The following REG1A variants were observed in gnomAD, a reference collection of about 807,000 sequenced individuals.
The protein encoded by REG1A is lithostathine-1-alpha.
A neutral mutation model predicts 20.7 loss-of-function variants in REG1A; 20 were observed. The ratio of observed to expected loss-of-function variants is 0.97; its 90% CI spans 0.68 to 1.41. The LOEUF is 1.41. Ranked by LOEUF, REG1A falls within the 40% of genes most tolerant of loss-of-function variation. REG1A has a pLI of 0.00. For synonymous variants in REG1A, 90 were observed against 71.6 expected, an observed-to-expected ratio of 1.26 and a Z score of -1.30; for missense variants, 193 against 201.8, an observed-to-expected ratio of 0.96 and a Z score of 0.26.
At chr2:79,122,520 T>C (rs1208743015) in intron 4 of REG1A, among the ~76,000 whole-genome samples, 1 of 152,058 alleles carries the variant, frequency 6.6e-6, no homozygotes, top group Non-Finnish European at 1.5e-5. Context: ...TAATATAATA[T>C]ATCAACAACT....
Position 79,123,350 on chromosome 2 carries a change from T to C in REG1A, c.*135T>C, listed in dbSNP as rs1489180543. ...CTGAGTTTGCCTTGTTAATCTTCAA[T>C]AGTTTTACCTACCCCAGTCTTTGGA... On this transcript the variant is annotated 3_prime_UTR_variant, in exon 6 of 6. Coordinates refer to ENST00000233735, the MANE Select transcript of REG1A (RefSeq NM_002909.5). The C allele has an allele frequency of 8.8e-6, 5 of 570,896 alleles. No homozygotes were observed. The highest frequency in any genetic ancestry group is 3.7e-5 in the African/African-American group (2 of 53,550). The allele number at this position is 570,896 out of a possible 1,614,324, so 35.4% of individuals were successfully genotyped here. A position where few individuals can be genotyped will look rare whatever the true frequency, so the allele number is the denominator to read the frequency against.
At chr2:79,121,377 G>A (rs1039880852) in intron 2 of REG1A, among the ~76,000 whole-genome samples, 185 bp from the exon 3 acceptor site, 6 of 151,954 alleles carry the variant, frequency 3.9e-5, no homozygotes, top group African/African-American at 1.5e-4. Flanking sequence ...TATTCATTCT[G>A]TTTTTTTTCC....
In REG1A at chr2:79,120,899, G is replaced by A. The variant is rs764527825; in HGVS notation, c.38G>A (p.Cys13Tyr). The A allele has an allele frequency of 6.2e-7, 1 of 1,613,096 alleles. No individual in the cohort carries two copies. The highest frequency in any genetic ancestry group is 1.3e-5 in the African/African-American group (1 of 74,826). ...AGCTCATACTTCATGCTGATCTCCT[G>A]CCTGATGTTTCTGTCTCAGAGCCAA... ...QTSSYFMLIS[C>Y]LMFLSQSQGQ... The change falls in exon 2 of 6, where the codon TGC (cysteine) becomes TAC (tyrosine). Residue 13 changes from cysteine to tyrosine, a missense_variant. Physicochemically the swap from Cys to Tyr is radical, Grantham distance 194. Transcript: ENST00000233735.
rs1430115461 is a variant in REG1A at position 79,120,935 on chromosome 2, C to T, written c.64+10C>T. The T allele has an allele frequency of 1.9e-6, 3 of 1,611,018 alleles. No homozygotes were observed. In the Admixed American group the frequency reaches 5.0e-5, roughly 27 times the overall value. On this transcript the variant is annotated intron_variant, in intron 2 of 5. Coordinates refer to ENST00000233735, the MANE Select transcript of REG1A (RefSeq NM_002909.5). ...CTGTCTCAGAGCCAAGGTAAGATCT[C>T]TTTTCCACCAACCAACTCTTTCTAG...
chr2:79,121,713 T>C (rs766494700), intron 3 of REG1A, 33 bp downstream of exon 3: 2 of 1,593,720 alleles, frequency 1.3e-6, no homozygotes, highest in African/African-American at 2.7e-5. Context: ...GAAGGGAGAC[T>C]CATGAAGGGA....
In REG1A at chr2:79,123,364, C is replaced by G. The variant is rs917314124; in HGVS notation, c.*149C>G. 5.4e-6 allele frequency: 3 copies of G among 559,840 alleles called. No individual in the cohort carries two copies. Among genetic ancestry groups the G allele is most frequent in the Admixed American group, 3.2e-5 (1 of 30,930 alleles). 34.7% of individuals were successfully genotyped at this position (559,840 alleles called of 1,614,324 possible). Reference sequence around the variant, plus strand: ...TTAATCTTCAATAGTTTTACCTACCCCAGTCTTTGGAACCCTAAATAATAA... The same window carrying G: ...TTAATCTTCAATAGTTTTACCTACCGCAGTCTTTGGAACCCTAAATAATAA... On this transcript the variant is annotated 3_prime_UTR_variant, in exon 6 of 6. Transcript: ENST00000233735.
intron 4 of REG1A, among the ~76,000 whole-genome samples, chr2:79,122,413 C>A (rs62160277): frequency 4.9e-4 from 74 of 152,122 alleles, no homozygotes; most frequent in Admixed American, 1.2e-3. Flanking sequence ...GTCAGAGTCA[C>A]AAGAGAGACT....
chr2:79,121,915 G>T (rs144730578), intron 3 of REG1A, 73 bp from the exon 4 acceptor site: 1 of 1,582,744 alleles, frequency 6.3e-7, no homozygotes, highest in African/African-American at 1.3e-5. Flanking sequence ...TTTCTGACCC[G>T]TCCTCTTGGA....
At position 79,123,326 on chromosome 2, in the gene REG1A, TGA is replaced by T. The variant is rs1004555432; in HGVS notation, c.*113_*114del. On this transcript the variant is annotated 3_prime_UTR_variant, in exon 6 of 6. Coordinates refer to ENST00000233735, the MANE Select transcript of REG1A (RefSeq NM_002909.5). ...TCAACCTGGACACTCTCTTCTCTGC[TGA>T]GTTTGCCTTGTTAATCTTCAATAGT... 1.3e-5 allele frequency: 8 copies of T among 632,990 alleles called. No homozygotes were observed. Among genetic ancestry groups the T allele is most frequent in the Non-Finnish European group, 2.2e-5 (8 of 361,208 alleles). 39.2% of individuals were successfully genotyped at this position (632,990 alleles called of 1,614,324 possible).
chr2:79,120,989 A>G (rs902754558), intron 2 of REG1A, 64 bp downstream of exon 2: 48 of 1,271,866 alleles, frequency 3.8e-5, no homozygotes, highest in Non-Finnish European at 5.3e-5. Flanking sequence ...ATCCCCAAGC[A>G]TACGGGTCTA....
rs779383364 is a variant in REG1A, at chr2:79,122,058, C to A, written c.254C>A (p.Ala85Asp). The change falls in exon 4 of 6, where the codon GCC (alanine) becomes GAC (aspartate). Residue 85 changes from alanine (A) to aspartate (D), a missense_variant. Transcript: ENST00000233735. ...ACCCAGGCCGAGGGTGCCTTTGTGG[C>A]CTCACTGATTAAGGAGAGTGGCACT... ...VLTQAEGAFV[A>D]SLIKESGTDD... 6.8e-6 allele frequency: 11 copies of A among 1,613,920 alleles called. No homozygotes were observed. Among genetic ancestry groups the A allele is most frequent in the Non-Finnish European group, 2.5e-6 (3 of 1,179,994 alleles).
Position 79,123,306 on chromosome 2 carries a change from C to A in REG1A, c.*91C>A. 2 of 745,150 alleles carry A rather than the reference C, an allele frequency of 2.7e-6. No homozygotes were observed. The highest frequency in any genetic ancestry group is 1.8e-5 in the South Asian group (1 of 54,988). The allele number at this position is 745,150 out of a possible 1,614,324, so 46.2% of individuals were successfully genotyped here. A position where few individuals can be genotyped will look rare whatever the true frequency, so the allele number is the denominator to read the frequency against. ...GACCATCTCTCCAACTCAACTCAAC[C>A]TGGACACTCTCTTCTCTGCTGAGTT... is the stretch of plus-strand genomic sequence containing the variant. On this transcript the variant is annotated 3_prime_UTR_variant, in exon 6 of 6. Coordinates refer to ENST00000233735, the MANE Select transcript of REG1A (RefSeq NM_002909.5).
Position 79,121,553 on chromosome 2 carries a change from C to T in REG1A, c.65-9C>T, listed in dbSNP as rs1413836989. On this transcript the variant is annotated splice_polypyrimidine_tract_variant and intron_variant, in intron 2 of 5. Transcript: ENST00000233735. ...TGAGAGCCTCCTTTAATTGTCTCTT[C>T]TTTTTCAGGCCAAGAGGCCCAGACA... is the stretch of plus-strand genomic sequence containing the variant. 6.2e-7 allele frequency: 1 copy of T among 1,612,102 alleles called. No individual in the cohort carries two copies.
intron 5 of REG1A, 44 bp from the exon 6 acceptor site, chr2:79,123,104 C>T (rs780152361): frequency 2.0e-6 from 3 of 1,537,070 alleles, no homozygotes; most frequent in Admixed American, 3.4e-5. Flanking sequence ...GAGGGTCATA[C>T]TCTTTCGGGT....
chr2:79,120,650 C>T (rs1672869439), intron 1 of REG1A, 136 bp downstream of exon 1: 2 of 405,268 alleles, frequency 4.9e-6, no homozygotes, highest in Non-Finnish European at 8.7e-6. Flanking sequence ...AGTTGTTTTT[C>T]AGTTACTGAG....
At chr2:79,121,951 C>T (rs1672892063) in intron 3 of REG1A, 37 bp from the exon 4 acceptor site, 2 of 1,609,484 alleles carry the variant, frequency 1.2e-6, no homozygotes, top group Non-Finnish European at 8.5e-7. Flanking sequence ...GTCACAACTT[C>T]CTCCTCCACT....
rs1672871019 is a variant in REG1A, at chr2:79,120,782, C to T, written c.-46-34C>T. 3.5e-6 allele frequency: 4 copies of T among 1,148,804 alleles called. No homozygotes were observed. In the Admixed American group the frequency reaches 7.0e-5, roughly 20 times the overall value. The allele number at this position is 1,148,804 out of a possible 1,614,324, so 71.2% of individuals were successfully genotyped here. A position where few individuals can be genotyped will look rare whatever the true frequency, so the allele number is the denominator to read the frequency against. ...AGGTAATAGGTGCTTTGCTCTCCAT[C>T]TCTCAGAACCCCCTTCTCTGTGTTC... On this transcript the variant is annotated intron_variant, in intron 1 of 5. Transcript: ENST00000233735.
At position 79,123,158 on chromosome 2, in the gene REG1A, A is replaced by G; in HGVS notation, c.444A>G (p.Lys148=). ...VSLTSSTGFQ[K]WKDVPCEDKF... ...CTCATTGACTTATAGGATTCCAGAAATGGAAGGATGTGCCTTGTGAAGACA... is the reference window on the plus strand; with the variant it reads ...CTCATTGACTTATAGGATTCCAGAAGTGGAAGGATGTGCCTTGTGAAGACA... The change falls in exon 6 of 6, where the codon AAA becomes AAG. Residue 148 remains lysine (K), a synonymous_variant. Coordinates refer to ENST00000233735, the MANE Select transcript of REG1A (RefSeq NM_002909.5). 6.2e-7 allele frequency: 1 copy of G among 1,612,316 alleles called. No homozygotes were observed. Among genetic ancestry groups the G allele is most frequent in the Non-Finnish European group, 8.5e-7 (1 of 1,178,980 alleles).
At chr2:79,123,126 A>C in intron 5 of REG1A, 22 bp from the exon 6 acceptor site, 1 of 1,595,164 alleles carries the variant, frequency 6.3e-7, no homozygotes. Flanking sequence ...TCCCAGTTGT[A>C]ACTCTTCTCA....
Sources: gnomAD v4.1 joint callset for allele counts (sites outside exome capture counted in the v4.1 genomes callset) on GRCh38, gnomAD v4.1.1 for gene constraint, MANE v1.5 for transcripts, NCBI Gene and HGNC (gene_info 2026-07-23, HGNC 2026-07-21) for gene names.